The following RABGAP1L variants were observed in gnomAD, a reference collection of about 807,000 sequenced individuals.
The protein encoded by RABGAP1L is RAB GTPase activating protein 1 like.
In RABGAP1L, 63 loss-of-function variants were observed where a neutral mutation model predicts 137.7. The observed-to-expected ratio is 0.46, with a 90% CI of 0.37 to 0.56. The LOEUF is 0.56. Among genes scored for constraint, RABGAP1L ranks in the 20% least tolerant of loss-of-function variants. The probability of loss-of-function intolerance (pLI) is 0.00; values close to 1 mark genes in which losing one functional copy is unlikely to be tolerated. For missense variants in RABGAP1L, 1,095 were observed against 1,244.0 expected (o/e 0.88, Z 1.80); for synonymous variants, 431 against 433.7 (o/e 0.99, Z 0.08).
At chr1:174,175,597 C>T (rs1463295406) in intron 1 of RABGAP1L, among the ~76,000 whole-genome samples, 4 of 149,440 alleles carry the variant, frequency 2.7e-5, no homozygotes, top group Non-Finnish European at 5.9e-5. Context: ...ATAGGGACTA[C>T]AGGCACGTGC....
chr1:174,480,575 A>G (rs1204100171), intron 13 of RABGAP1L, among the ~76,000 whole-genome samples: 3 of 152,224 alleles, frequency 2.0e-5, no homozygotes, highest in Non-Finnish European at 4.4e-5. Context: ...TCTTTATGCT[A>G]TCCCTGGATG....
Position 174,448,031 on chromosome 1 carries a change from C to A in RABGAP1L, c.1710+53886C>A. The A allele has an allele frequency of 2.5e-6, 3 of 1,184,164 alleles. No homozygotes were observed. The highest frequency in any genetic ancestry group is 3.7e-6 in the Non-Finnish European group (3 of 819,928). 73.4% of individuals were successfully genotyped at this position (1,184,164 alleles called of 1,614,324 possible). A position where few individuals can be genotyped will look rare whatever the true frequency, so the allele number is the denominator to read the frequency against. ...CTACTGAAGCAGGTTCTGAAACACT[C>A]ATGTGCGGTGTTTAACAGATGCTGG... On this transcript the variant is annotated intron_variant, in intron 13 of 25. Transcript: ENST00000681986. The surrounding 1 kb of genome is among the most constrained non-coding windows in gnomAD (Gnocchi z 4.2).
chr1:174,395,513 C>G (rs192514078), intron 13 of RABGAP1L, among the ~76,000 whole-genome samples: 1 of 151,968 alleles, frequency 6.6e-6, no homozygotes, highest in Admixed American at 6.6e-5. Flanking sequence ...GGTTTAAACA[C>G]CTCTGTGATT....
chr1:174,908,529 A>C (rs1659492059), intron 19 of RABGAP1L, among the ~76,000 whole-genome samples: 1 of 150,524 alleles, frequency 6.6e-6, no homozygotes, highest in African/African-American at 2.5e-5. Flanking sequence ...TAAGTTAAAC[A>C]ACATATTCTT....
intron 4 of RABGAP1L, among the ~76,000 whole-genome samples, 193 bp downstream of exon 4, chr1:174,231,548 C>A (rs529140830): frequency 6.6e-6 from 1 of 152,106 alleles, no homozygotes; most frequent in Non-Finnish European, 1.5e-5. Context: ...TATTCTTGCA[C>A]TGCAATAAAG....
intron 1 of RABGAP1L, among the ~76,000 whole-genome samples, chr1:174,201,937 T>C (rs1177910241): frequency 6.6e-6 from 1 of 151,966 alleles, no homozygotes; most frequent in Non-Finnish European, 1.5e-5. Flanking sequence ...TTGCTGAGAA[T>C]GATGGTTTCC....
chr1:174,467,800 C>G lies in RABGAP1L; in HGVS notation c.1710+73655C>G, dbSNP rs116456827. 9.6e-3 allele frequency among the ~76,000 whole-genome samples: 1,463 copies of G among 152,190 alleles called. 25 individuals are homozygous for G. The highest frequency in any genetic ancestry group is 0.034 in the African/African-American group (1,401 of 41,530). ...TTCTACCTAATATATGCTACCTCCC[C>G]TACTATTTGGCAGTTAACGTTATAC... On this transcript the variant is annotated intron_variant, in intron 13 of 25. Transcript: ENST00000681986.
chr1:174,513,228 AATTTT>A (rs1208172444), intron 13 of RABGAP1L, among the ~76,000 whole-genome samples: 2 of 152,144 alleles, frequency 1.3e-5, no homozygotes, highest in Middle Eastern at 3.2e-3. Context: ...ATATTAATAT[AATTTT>A]AAGTATTATT....
intron 10 of RABGAP1L, among the ~76,000 whole-genome samples, chr1:174,291,652 C>T (rs1676615745): frequency 6.6e-6 from 1 of 151,942 alleles, no homozygotes; most frequent in South Asian, 2.1e-4. Flanking sequence ...TGGATTTATT[C>T]CACTTATTAT....
intron 7 of RABGAP1L, among the ~76,000 whole-genome samples, chr1:174,268,540 A>G (rs1234625392): frequency 6.6e-6 from 1 of 152,118 alleles, no homozygotes; most frequent in African/African-American, 2.4e-5. Context: ...TAGTACAGCA[A>G]GAGAGCGTGT....
At chr1:174,581,848 AAAT>A (rs1174359299) in intron 13 of RABGAP1L, among the ~76,000 whole-genome samples, 16 of 152,306 alleles carry the variant, frequency 1.1e-4, no homozygotes, top group African/African-American at 3.8e-4. Flanking sequence ...ACAACAGGTA[AAAT>A]GTTTTAAATT....
intron 15 of RABGAP1L, among the ~76,000 whole-genome samples, chr1:174,695,866 A>G (rs1679217332): frequency 6.6e-6 from 1 of 152,198 alleles, no homozygotes. Flanking sequence ...AGACTCGCAG[A>G]GATATAGCCT....
intron 1 of RABGAP1L, among the ~76,000 whole-genome samples, chr1:174,196,449 C>T (rs535390917): frequency 1.3e-5 from 2 of 152,040 alleles, no homozygotes; most frequent in African/African-American, 4.8e-5. Flanking sequence ...TAGTCTCGAT[C>T]TCCTGACCTT....
intron 13 of RABGAP1L, among the ~76,000 whole-genome samples, chr1:174,535,917 A>G (rs2147910504): frequency 6.6e-6 from 1 of 152,130 alleles, no homozygotes; most frequent in South Asian, 2.1e-4. Context: ...GACCTTGAAA[A>G]TTTTTTTCTT....
chr1:174,507,311 A>G (rs1661913489), intron 13 of RABGAP1L, among the ~76,000 whole-genome samples: 1 of 152,194 alleles, frequency 6.6e-6, no homozygotes, highest in African/African-American at 2.4e-5. Context: ...AAGAAAAGGT[A>G]GCTGTTAGAA....
At chr1:174,487,954 C>T (rs1307132728) in intron 13 of RABGAP1L, among the ~76,000 whole-genome samples, 2 of 152,032 alleles carry the variant, frequency 1.3e-5, no homozygotes, top group Non-Finnish European at 2.9e-5. Context: ...TCTTTTGTTG[C>T]TTCTATTTAT....
At chr1:174,281,482 C>T (rs1675542643) in intron 10 of RABGAP1L, among the ~76,000 whole-genome samples, 2 of 152,190 alleles carry the variant, frequency 1.3e-5, no homozygotes, top group Non-Finnish European at 2.9e-5. Context: ...CGTTTACGCT[C>T]CTTTAGCTGG....
At chr1:174,308,584 C>T (rs540836118) in intron 11 of RABGAP1L, among the ~76,000 whole-genome samples, 40 of 152,070 alleles carry the variant, frequency 2.6e-4, no homozygotes, top group Non-Finnish European at 4.0e-4. Context: ...TTTCATTCTT[C>T]TGCATGTTGT....
chr1:174,719,881 A>G (rs1401066933), intron 17 of RABGAP1L, among the ~76,000 whole-genome samples: 1 of 152,208 alleles, frequency 6.6e-6, no homozygotes, highest in Non-Finnish European at 1.5e-5. Flanking sequence ...ATATATATGT[A>G]CTTTAGAAGC....
Sources: gnomAD v4.1 joint callset for allele counts (sites outside exome capture counted in the v4.1 genomes callset) on GRCh38, gnomAD v4.1.1 for gene constraint, Gnocchi (gnomAD v3.1) non-coding constraint, MANE v1.5 for transcripts, NCBI Gene and HGNC (gene_info 2026-07-23, HGNC 2026-07-21) for gene names.